Variants in PRKCZ observed in about 807,000 individuals in gnomAD.
PRKCZ encodes protein kinase C zeta, also known as protein kinase C zeta type.
In PRKCZ, 33 loss-of-function variants were observed where a neutral mutation model predicts 79.5. That is an observed-to-expected ratio of 0.41 (90% CI 0.31 to 0.55). PRKCZ has a LOEUF of 0.55. Among genes scored for constraint, PRKCZ ranks in the 20% least tolerant of loss-of-function variants. PRKCZ has a pLI of 0.19. For synonymous variants in PRKCZ, 342 were observed against 320.9 expected (o/e 1.07, Z -0.70); for missense variants, 578 against 813.5 (o/e 0.71, Z 3.52).
chr1:2,168,242 G>A lies in PRKCZ; in HGVS notation c.975-1276G>A, dbSNP rs747823886. ...TGGAAAGCAGACATAGAAAATAGATGCACCAGTGAGCATAGCCTCGTTCCA... is the reference window on the plus strand; with the variant it reads ...TGGAAAGCAGACATAGAAAATAGATACACCAGTGAGCATAGCCTCGTTCCA... On this transcript the variant is annotated intron_variant, in intron 10 of 17. Coordinates refer to ENST00000378567, the MANE Select transcript of PRKCZ (RefSeq NM_002744.6). The surrounding 1 kb of genome is among the most constrained non-coding windows in gnomAD (Gnocchi z 4.7). Among the ~76,000 whole-genome samples, 6 of 152,200 alleles carry A rather than the reference G, an allele frequency of 3.9e-5. No individual in the cohort carries two copies. Among genetic ancestry groups the A allele is most frequent in the Admixed American group, 2.6e-4 (4 of 15,288 alleles).
At chr1:2,051,812 G>A (rs1273549757) in intron 1 of PRKCZ, among the ~76,000 whole-genome samples, 1 of 152,198 alleles carries the variant, frequency 6.6e-6, no homozygotes, top group African/African-American at 2.4e-5. Context: ...ATCTGGGGCT[G>A]CTTGGCCCCG....
chr1:2,150,301 T>G (rs1196985593), intron 8 of PRKCZ, among the ~76,000 whole-genome samples: 1 of 152,182 alleles, frequency 6.6e-6, no homozygotes, highest in Non-Finnish European at 1.5e-5. Flanking sequence ...TCGGAGCGCC[T>G]TTCTCCTGGG....
intron 10 of PRKCZ, among the ~76,000 whole-genome samples, chr1:2,166,556 C>T (rs1032601227): frequency 1.3e-5 from 2 of 152,170 alleles, no homozygotes; most frequent in Non-Finnish European, 2.9e-5. Flanking sequence ...GCATCCCCAG[C>T]GCCTCCAGGC....
At chr1:2,120,274 T>TATC (rs1671593272) in intron 4 of PRKCZ, among the ~76,000 whole-genome samples, 1 of 145,682 alleles carries the variant, frequency 6.9e-6, no homozygotes, top group Non-Finnish European at 1.5e-5. Flanking sequence ...TTTTGGAAAA[T>TATC]ATCAGCCCTT....
intron 4 of PRKCZ, among the ~76,000 whole-genome samples, chr1:2,116,581 A>G (rs1670805245): frequency 6.6e-6 from 1 of 152,128 alleles, no homozygotes; most frequent in Admixed American, 6.5e-5. Flanking sequence ...TTACTTTATA[A>G]TTAGGGCTTT....
At chr1:2,076,707 A>T (rs1419385574) in intron 4 of PRKCZ, among the ~76,000 whole-genome samples, 1 of 150,016 alleles carries the variant, frequency 6.7e-6, no homozygotes, top group Admixed American at 6.7e-5. Flanking sequence ...GCGCCACCGC[A>T]CTCCAGCCTG....
chr1:2,160,238 C>CGCGTGTGTGTGTGTGT (rs71578361), intron 10 of PRKCZ, among the ~76,000 whole-genome samples: 68 of 146,468 alleles, frequency 4.6e-4, no homozygotes, highest in African/African-American at 1.7e-3. Flanking sequence ...CAGCAGTGTG[C>CGCGTGTGTGTGTGTGT]GTGTGTGTGT....
At chr1:2,049,646 A>T (rs932530301), upstream of PRKCZ, 1 of 152,372 alleles carries the variant, frequency 6.6e-6, no homozygotes, top group Admixed American at 6.5e-5. Flanking sequence ...GCTTCAGTGG[A>T]TGCAGCCAGT....
intron 4 of PRKCZ, chr1:2,074,145 A>G: frequency 6.5e-7 from 1 of 1,543,116 alleles, no homozygotes; most frequent in Admixed American, 2.0e-5. Flanking sequence ...AGCTCCCAGC[A>G]ATGTCAGGGG....
intron 4 of PRKCZ, among the ~76,000 whole-genome samples, chr1:2,065,263 T>C (rs752730481): frequency 3.9e-5 from 6 of 152,258 alleles, no homozygotes; most frequent in Non-Finnish European, 5.9e-5. Flanking sequence ...CTTTCTTACA[T>C]GTAAGATCAT....
At chr1:2,079,520 C>T (rs367897293) in intron 4 of PRKCZ, among the ~76,000 whole-genome samples, 6 of 152,254 alleles carry the variant, frequency 3.9e-5, no homozygotes, top group African/African-American at 9.6e-5. Context: ...CCACCAGCCA[C>T]GTGACCTCGG....
chr1:2,179,580 C>T (rs1185466753), intron 16 of PRKCZ, among the ~76,000 whole-genome samples: 4 of 152,268 alleles, frequency 2.6e-5, no homozygotes, highest in Non-Finnish European at 5.9e-5. Context: ...CCCAACCCCA[C>T]GTGTCCCACA....
chr1:2,106,487 C>T (rs148611022), intron 4 of PRKCZ, among the ~76,000 whole-genome samples: 7,340 of 81,952 alleles, frequency 0.09, 503 homozygotes, highest in East Asian at 0.35. Flanking sequence ...AGGACCTCCA[C>T]ACGTGTCACC....
chr1:2,080,611 A>G (rs1663314821), intron 4 of PRKCZ, among the ~76,000 whole-genome samples: 1 of 152,182 alleles, frequency 6.6e-6, no homozygotes, highest in Admixed American at 6.5e-5. Flanking sequence ...GGAGTAGAGC[A>G]CAAGCATTCC....
chr1:2,135,481 A>C, intron 5 of PRKCZ, 134 bp downstream of exon 5: 1 of 783,714 alleles, frequency 1.3e-6, no homozygotes, highest in Non-Finnish European at 2.0e-6. Context: ...GGTTACAGAA[A>C]TGCTTTCTCT....
rs1477317919 is a variant in PRKCZ at position 2,089,984 on chromosome 1, G to A, written c.334+30393G>A. On this transcript the variant is annotated intron_variant, in intron 4 of 17. Coordinates refer to ENST00000378567, the MANE Select transcript of PRKCZ (RefSeq NM_002744.6). ...TCGGCAGGGCTGGTTCCCGGAGGCC[G>A]TGAGGAGCCCGGGCCAGGCCTGTCC... is the stretch of plus-strand genomic sequence containing the variant. 5.9e-5 allele frequency among the ~76,000 whole-genome samples: 9 copies of A among 152,300 alleles called. No individual in the cohort carries two copies. The South Asian group carries it at 6.2e-4, about 11-fold the overall frequency.
At position 2,149,913 on chromosome 1, in the gene PRKCZ, C is replaced by T. The variant is rs907744986; in HGVS notation, c.688-877C>T. Among the ~76,000 whole-genome samples the T allele has an allele frequency of 1.3e-5, 2 of 150,880 alleles. No homozygotes were observed. The highest frequency in any genetic ancestry group is 2.9e-5 in the Non-Finnish European group (2 of 67,838). Reference sequence around the variant, plus strand: ...GTGGCTCACGCCTGTAATCCCAGCACTTTGGGAAGCTGAGGCGGGCAGATC... The same window carrying T: ...GTGGCTCACGCCTGTAATCCCAGCATTTTGGGAAGCTGAGGCGGGCAGATC... On this transcript the variant is annotated intron_variant, in intron 8 of 17. Transcript: ENST00000378567. The surrounding 1 kb of genome is among the most constrained non-coding windows in gnomAD (Gnocchi z 4.1).
At chr1:2,095,823 C>T (rs1228105060) in intron 4 of PRKCZ, among the ~76,000 whole-genome samples, 2 of 137,696 alleles carry the variant, frequency 1.5e-5, no homozygotes, top group African/African-American at 5.5e-5. Flanking sequence ...CCCTCCTGTC[C>T]CTTCCCCTCC....
chr1:2,152,752 C>G (rs528063432), intron 9 of PRKCZ, among the ~76,000 whole-genome samples: 3 of 152,234 alleles, frequency 2.0e-5, no homozygotes, highest in Non-Finnish European at 2.9e-5. Context: ...CTTGACAGAA[C>G]GGAGTTGTGT....
Sources: gnomAD v4.1 joint callset for allele counts (sites outside exome capture counted in the v4.1 genomes callset) on GRCh38, gnomAD v4.1.1 for gene constraint, Gnocchi (gnomAD v3.1) non-coding constraint, MANE v1.5 for transcripts, NCBI Gene and HGNC (gene_info 2026-07-23, HGNC 2026-07-21) for gene names.